The following ASXL3 variants were observed in gnomAD, a reference collection of about 807,000 sequenced individuals.
ASXL3 encodes putative Polycomb group protein ASXL3.
ASXL3 carries 34 observed loss-of-function variants against 170.6 expected under a neutral mutation model. That is an observed-to-expected ratio of 0.20 (90% CI 0.15 to 0.27). ASXL3 has a LOEUF of 0.27. Ranked by LOEUF, ASXL3 falls within the 10% of genes least tolerant of loss-of-function variation. The probability of loss-of-function intolerance (pLI) is 1.00; values close to 1 mark genes in which losing one functional copy is unlikely to be tolerated. For synonymous variants in ASXL3, 1,002 were observed against 989.1 expected (o/e 1.01, Z -0.24); for missense variants, 2,592 against 2,695.3 (o/e 0.96, Z 0.85).
intron 2 of ASXL3, among the ~76,000 whole-genome samples, chr18:33,613,944 A>C (rs949835483): frequency 6.6e-6 from 1 of 152,040 alleles, no homozygotes; most frequent in Non-Finnish European, 1.5e-5. Flanking sequence ...GATAACAATA[A>C]TCTGAACCTT....
At chr18:33,604,626 T>C (rs1326340409) in intron 1 of ASXL3, among the ~76,000 whole-genome samples, 1 of 151,992 alleles carries the variant, frequency 6.6e-6, no homozygotes, top group African/African-American at 2.4e-5. Flanking sequence ...GACAGCGTTA[T>C]GCAGTTTCTT....
Position 33,743,894 on chromosome 18 carries a change from A to G in ASXL3, c.4046A>G (p.Asn1349Ser). ...GTGCCAACTCCCTCCATCGGAAACAATTTGCCAAACCTCTCCACTAGCTCT... is the reference window on the plus strand; with the variant it reads ...GTGCCAACTCCCTCCATCGGAAACAGTTTGCCAAACCTCTCCACTAGCTCT... ...TSVPTPSIGN[N>S]LPNLSTSSVL... Residue 1349 changes from asparagine to serine, a missense_variant, in exon 12 of 12, where the codon AAT becomes AGT. By Grantham distance (46) the Asn-to-Ser change is conservative. Around this residue, in one of 4 missense-constraint regions of ASXL3, gnomAD observed 2,246 missense variants for 2,219.6 expected, o/e 1.01. Transcript: ENST00000269197. 2 of 1,613,936 alleles carry G rather than the reference A, an allele frequency of 1.2e-6. No individual in the cohort carries two copies. The highest frequency in any genetic ancestry group is 8.5e-7 in the Non-Finnish European group (1 of 1,179,872).
At chr18:33,657,368 CAAG>C (rs1203837870) in intron 4 of ASXL3, among the ~76,000 whole-genome samples, 8 of 152,122 alleles carry the variant, frequency 5.3e-5, no homozygotes, top group Non-Finnish European at 7.4e-5. Flanking sequence ...GGATGTGAGA[CAAG>C]AGAGATAGAT....
intron 2 of ASXL3, among the ~76,000 whole-genome samples, chr18:33,615,461 A>G (rs572026326): frequency 6.6e-6 from 1 of 152,306 alleles, no homozygotes; most frequent in South Asian, 2.1e-4. Context: ...AACAGATATG[A>G]TAATAATGAC....
intron 8 of ASXL3, among the ~76,000 whole-genome samples, chr18:33,715,364 G>T (rs1294621489): frequency 6.6e-6 from 1 of 152,132 alleles, no homozygotes; most frequent in Non-Finnish European, 1.5e-5. Flanking sequence ...GGCATATACA[G>T]ATCTACTATA....
At position 33,670,789 on chromosome 18, in the gene ASXL3, A is replaced by G. The variant is rs1226099444; in HGVS notation, c.594A>G (p.Ser198=). 2 of 1,533,650 alleles carry G rather than the reference A, an allele frequency of 1.3e-6. No homozygotes were observed. Among genetic ancestry groups the G allele is most frequent in the East Asian group, 2.5e-5 (1 of 40,614 alleles). Residue 198 remains serine (S), a splice_region_variant and synonymous_variant, in exon 6 of 12, where the codon TCA becomes TCG. Transcript: ENST00000269197. ...CTGATGAGCAGTCGGATTCGCCTTC[A>G]GGTAAAGAGCTGAAATATCATATGC... ...KVSDEQSDSP[S]GSESKNGEAD... is the part of the protein sequence containing the mutation.
At chr18:33,693,450 G>A (rs2066719252) in intron 8 of ASXL3, among the ~76,000 whole-genome samples, 1 of 152,068 alleles carries the variant, frequency 6.6e-6, no homozygotes, top group South Asian at 2.1e-4. Context: ...GAGATCATAG[G>A]GAAGCAGGAA....
rs762507062 is a variant in ASXL3 at position 33,744,064 on chromosome 18, T to A, written c.4216T>A (p.Ser1406Thr). ...SCSDSVAVTD[S>T]LVAHPTVAMF... Reference sequence around the variant, plus strand: ...CAGTGATTCTGTAGCGGTCACAGACTCTCTGGTTGCACACCCGACCGTCGC... The same window carrying A: ...CAGTGATTCTGTAGCGGTCACAGACACTCTGGTTGCACACCCGACCGTCGC... The change falls in exon 12 of 12, where the codon TCT (serine) becomes ACT (threonine). Residue 1406 changes from serine to threonine, a missense_variant. Transcript: ENST00000269197. 1.9e-6 allele frequency: 3 copies of A among 1,614,048 alleles called. No individual in the cohort carries two copies. The highest frequency in any genetic ancestry group is 2.2e-5 in the South Asian group (2 of 91,084).
chr18:33,718,447 T>C (rs1039389287), intron 8 of ASXL3, among the ~76,000 whole-genome samples: 4 of 152,158 alleles, frequency 2.6e-5, no homozygotes, highest in Admixed American at 2.6e-4. Flanking sequence ...CATGCAGTTA[T>C]TATCTCCATC....
At chr18:33,704,801 C>T (rs113046709) in intron 8 of ASXL3, among the ~76,000 whole-genome samples, 1,622 of 151,274 alleles carry the variant, frequency 0.011, 34 homozygotes, top group African/African-American at 0.037. Context: ...GTGTTTTATA[C>T]GTTAGAAGTA....
At chr18:33,683,326 G>T in intron 7 of ASXL3, 79 bp from the exon 8 acceptor site, 1 of 1,230,188 alleles carries the variant, frequency 8.1e-7, no homozygotes, top group Non-Finnish European at 1.1e-6. Context: ...CTAGATATAT[G>T]TGGCTGTGTT....
At chr18:33,601,731 C>A (rs1000601056) in intron 1 of ASXL3, among the ~76,000 whole-genome samples, 3 of 138,272 alleles carry the variant, frequency 2.2e-5, no homozygotes, top group Middle Eastern at 4.0e-3. Context: ...GGTCCTATAC[C>A]AAGGGAATGT....
At chr18:33,604,504 G>A (rs1260638420) in intron 1 of ASXL3, among the ~76,000 whole-genome samples, 1 of 151,984 alleles carries the variant, frequency 6.6e-6, no homozygotes, top group Non-Finnish European at 1.5e-5. Context: ...GCAGTGTCCT[G>A]TTCAGAGAGT....
rs549670193 is a variant in ASXL3 at position 33,689,064 on chromosome 18, G to T, written c.879+5496G>T. ...GCTGGAGTGCAGTGGCGTGATCTCC[G>T]CTCACAGCAACATCCGCCTCCCGGG... On this transcript the variant is annotated intron_variant, in intron 8 of 11. Transcript: ENST00000269197. 2.6e-5 allele frequency among the ~76,000 whole-genome samples: 4 copies of T among 151,598 alleles called. No homozygotes were observed. In the South Asian group the frequency reaches 8.3e-4, roughly 32 times the overall value.
chr18:33,666,034 A>G (rs923433144), intron 5 of ASXL3, among the ~76,000 whole-genome samples: 1 of 152,160 alleles, frequency 6.6e-6, no homozygotes, highest in Non-Finnish European at 1.5e-5. Context: ...TCCTTCTCAT[A>G]ACACCATCGA....
At chr18:33,629,764 G>A (rs1030534676) in intron 2 of ASXL3, among the ~76,000 whole-genome samples, 4 of 151,862 alleles carry the variant, frequency 2.6e-5, no homozygotes, top group Non-Finnish European at 1.5e-5. Context: ...TAATCAAAAC[G>A]CACGTTTTTT....
chr18:33,606,413 A>G (rs1418394760), intron 1 of ASXL3, among the ~76,000 whole-genome samples: 2 of 151,968 alleles, frequency 1.3e-5, no homozygotes, highest in African/African-American at 2.4e-5. Context: ...AGAATAGGAA[A>G]GTGTCTGAAA....
At chr18:33,649,798 G>T (rs1459389570) in intron 4 of ASXL3, among the ~76,000 whole-genome samples, 1 of 152,120 alleles carries the variant, frequency 6.6e-6, no homozygotes, top group Non-Finnish European at 1.5e-5. Context: ...TATTTGATCT[G>T]GTGTTCTGAA....
chr18:33,583,663 AT>A (rs891712689), intron 1 of ASXL3, among the ~76,000 whole-genome samples: 2 of 151,958 alleles, frequency 1.3e-5, no homozygotes, highest in Admixed American at 6.6e-5. Context: ...AAGTTTTTCT[AT>A]TTTTTTGACA....
Sources: gnomAD v4.1 joint callset for allele counts (sites outside exome capture counted in the v4.1 genomes callset) on GRCh38, gnomAD v4.1.1 for gene constraint, gnomAD v4.1.1 regional missense constraint, MANE v1.5 for transcripts, NCBI Gene and HGNC (gene_info 2026-07-23, HGNC 2026-07-21) for gene names.